Variants in SH3BGRL observed in about 807,000 individuals in gnomAD.
SH3BGRL encodes adapter SH3BGRL.
A neutral mutation model predicts 9.8 loss-of-function variants in SH3BGRL; 7 were observed. The ratio of observed to expected loss-of-function variants is 0.72; its 90% CI spans 0.41 to 1.35. The LOEUF is 1.35. SH3BGRL is among the 40% of genes most tolerant of loss of function. SH3BGRL has a pLI of 0.01. For synonymous variants in SH3BGRL, 36 were observed against 29.1 expected (o/e 1.24, Z -0.76); for missense variants, 73 against 84.4 (o/e 0.86, Z 0.53).
chrX:81,278,529 G>A lies in SH3BGRL; in HGVS notation c.312+118G>A, dbSNP rs879225207. The stretch of plus-strand genomic sequence containing the variant: ...ATTAAGTCAGAGACAATCCTTTATA[G>A]CAAAAAGTGCCTTCTCTGCATCCAC... On this transcript the variant is annotated intron_variant, in intron 3 of 3. Coordinates refer to ENST00000373212, the MANE Select transcript of SH3BGRL (RefSeq NM_003022.3). The A allele has an allele frequency of 1.9e-5, 9 of 468,026 alleles. No individual in the cohort carries two copies. In the South Asian group the frequency reaches 2.8e-4, roughly 14 times the overall value. 38.6% of individuals were successfully genotyped at this position (468,026 alleles called of 1,213,427 possible). A position where few individuals can be genotyped will look rare whatever the true frequency, so the allele number is the denominator to read the frequency against.
intron 1 of SH3BGRL, among the ~76,000 whole-genome samples, chrX:81,223,641 A>G (rs2075607750): frequency 9.0e-6 from 1 of 111,142 alleles, no homozygotes; most frequent in African/African-American, 3.3e-5. Context: ...GATAAGGGGA[A>G]TATTCCTATA....
At chrX:81,213,805 G>C (rs965040835) in intron 1 of SH3BGRL, among the ~76,000 whole-genome samples, 5 of 111,759 alleles carry the variant, frequency 4.5e-5, no homozygotes, top group Admixed American at 9.5e-5. Context: ...CATATGAGTG[G>C]ATGGCCTGTT....
intron 1 of SH3BGRL, among the ~76,000 whole-genome samples, chrX:81,222,507 C>T (rs781404295): frequency 2.1e-4 from 23 of 110,309 alleles, no homozygotes; most frequent in African/African-American, 7.3e-4. Context: ...TGAACTTATC[C>T]TTTTTTATGA....
chrX:81,284,203 T>C (rs961137335), intron 3 of SH3BGRL, among the ~76,000 whole-genome samples: 2 of 111,300 alleles, frequency 1.8e-5, no homozygotes, highest in Admixed American at 1.9e-4. Flanking sequence ...TGCTCATGGA[T>C]GGATACAATC....
chrX:81,227,017 C>G (rs921584354), intron 1 of SH3BGRL, among the ~76,000 whole-genome samples: 1 of 112,153 alleles, frequency 8.9e-6, no homozygotes, highest in Non-Finnish European at 1.9e-5. Context: ...TATCCTTGTG[C>G]AGTTCACTTA....
rs139433471 is a variant in SH3BGRL, at chrX:81,233,634, G to T, written c.45+31389G>T. ...AATGTGGGAAGACATTCTGTTTATT[G>T]AGTGCCTTTTGGGTGCCAAGCTTGG... On this transcript the variant is annotated intron_variant, in intron 1 of 3. Coordinates refer to ENST00000373212, the MANE Select transcript of SH3BGRL (RefSeq NM_003022.3). Among the ~76,000 whole-genome samples the T allele has an allele frequency of 2.2e-3, 246 of 110,937 alleles. 1 individual carries two copies. The highest frequency in any genetic ancestry group is 7.6e-3 in the African/African-American group (231 of 30,581).
chrX:81,238,736 G>T (rs2075656899), intron 1 of SH3BGRL, among the ~76,000 whole-genome samples: 1 of 110,100 alleles, frequency 9.1e-6, no homozygotes, highest in African/African-American at 3.3e-5. Flanking sequence ...AGTCATAGTG[G>T]TGGTGGCCAC....
intron 1 of SH3BGRL, among the ~76,000 whole-genome samples, chrX:81,231,391 T>C (rs906503340): frequency 3.6e-5 from 4 of 112,513 alleles, no homozygotes; most frequent in African/African-American, 1.3e-4. Context: ...AGTTGAATTT[T>C]ATTTTATTTA....
chrX:81,248,202 C>T (rs2075696023), intron 1 of SH3BGRL, among the ~76,000 whole-genome samples: 1 of 110,719 alleles, frequency 9.0e-6, no homozygotes, highest in South Asian at 3.8e-4. Context: ...GTCTTTTTGT[C>T]TTTGTTAATC....
chrX:81,239,890 C>A (rs983911580), intron 1 of SH3BGRL, among the ~76,000 whole-genome samples: 3 of 112,076 alleles, frequency 2.7e-5, no homozygotes, highest in Non-Finnish European at 5.6e-5. Context: ...TGAAGGAGAA[C>A]AACTTTAACC....
intron 1 of SH3BGRL, among the ~76,000 whole-genome samples, chrX:81,224,893 C>T (rs1256922404): frequency 9.2e-6 from 1 of 109,114 alleles, no homozygotes; most frequent in Admixed American, 9.8e-5. Context: ...TTTTTTCCCC[C>T]TAAGTCACTA....
chrX:81,264,351 G>A (rs745757990), intron 1 of SH3BGRL, among the ~76,000 whole-genome samples: 1 of 111,359 alleles, frequency 9.0e-6, no homozygotes, highest in Non-Finnish European at 1.9e-5. Flanking sequence ...ACCATTAATA[G>A]CTCTGTCTTA....
intron 1 of SH3BGRL, 35 bp from the exon 2 acceptor site, chrX:81,276,949 T>A: frequency 8.6e-7 from 1 of 1,160,429 alleles, no homozygotes; most frequent in Non-Finnish European, 1.2e-6. Context: ...TTTTGTTGAA[T>A]TTGGAAAATA....
intron 1 of SH3BGRL, among the ~76,000 whole-genome samples, chrX:81,246,134 T>C (rs1017488786): frequency 5.4e-5 from 6 of 111,456 alleles, no homozygotes; most frequent in Middle Eastern, 4.6e-3. Context: ...TGTCCGTTCA[T>C]GTCTTTTGCC....
At chrX:81,258,385 T>C (rs2075731811) in intron 1 of SH3BGRL, among the ~76,000 whole-genome samples, 1 of 112,318 alleles carries the variant, frequency 8.9e-6, no homozygotes, top group African/African-American at 3.2e-5. Flanking sequence ...GTCTTTTGGA[T>C]TATTTACTTA....
At chrX:81,255,035 G>A (rs1289048744) in intron 1 of SH3BGRL, among the ~76,000 whole-genome samples, 1 of 109,578 alleles carries the variant, frequency 9.1e-6, no homozygotes, top group Non-Finnish European at 1.9e-5. Flanking sequence ...GACTACAGAC[G>A]TGCGCCACCA....
chrX:81,284,018 C>G (rs762148786), intron 3 of SH3BGRL, among the ~76,000 whole-genome samples: 22 of 110,352 alleles, frequency 2.0e-4, no homozygotes, highest in Non-Finnish European at 4.0e-4. Context: ...CTTCTATACA[C>G]CAACAGTGAC....
At chrX:81,231,799 C>A (rs1178525504) in intron 1 of SH3BGRL, among the ~76,000 whole-genome samples, 2 of 112,264 alleles carry the variant, frequency 1.8e-5, no homozygotes, top group Non-Finnish European at 3.8e-5. Flanking sequence ...AAAGTGGCAG[C>A]TTTGGGTCCA....
chrX:81,270,605 C>T (rs773615657), intron 1 of SH3BGRL, among the ~76,000 whole-genome samples: 5 of 111,857 alleles, frequency 4.5e-5, no homozygotes, highest in Non-Finnish European at 9.4e-5. Context: ...GAAGCTTCGT[C>T]CCACAGGGGC....
Sources: allele counts gnomAD v4.1 joint callset (sites outside exome capture counted in the v4.1 genomes callset), GRCh38; gene constraint gnomAD v4.1.1; transcripts MANE v1.5; gene names NCBI Gene and HGNC (gene_info 2026-07-23, HGNC 2026-07-21).